RABGAP1L: variants seen among roughly 807,000 people sequenced by gnomAD.
RABGAP1L encodes the protein rab GTPase-activating protein 1-like.
Under a neutral mutation model 137.7 loss-of-function variants are expected in RABGAP1L, and 63 were observed. That is an observed-to-expected ratio of 0.46 (90% CI 0.37 to 0.56). The LOEUF is 0.56. RABGAP1L is among the 20% of genes least tolerant of loss of function. The probability of loss-of-function intolerance (pLI) is 0.00; values close to 1 mark genes in which losing one functional copy is unlikely to be tolerated. For missense variants in RABGAP1L, 1,095 were observed against 1,244.0 expected (o/e 0.88, Z 1.80); for synonymous variants, 431 against 433.7 (o/e 0.99, Z 0.08).
At chr1:174,532,691 T>C (rs910354679) in intron 13 of RABGAP1L, among the ~76,000 whole-genome samples, 1 of 152,126 alleles carries the variant, frequency 6.6e-6, no homozygotes, top group Non-Finnish European at 1.5e-5. Flanking sequence ...TATCCAGTCA[T>C]GAATGGATTA....
chr1:174,984,328 G>T (rs940579101), intron 24 of RABGAP1L, among the ~76,000 whole-genome samples: 1 of 152,126 alleles, frequency 6.6e-6, no homozygotes, highest in Non-Finnish European at 1.5e-5. Context: ...CATATACTAT[G>T]TGCATAGCTA....
intron 13 of RABGAP1L, among the ~76,000 whole-genome samples, chr1:174,620,585 A>G (rs1476848717): frequency 6.6e-6 from 1 of 152,194 alleles, no homozygotes; most frequent in Non-Finnish European, 1.5e-5. Context: ...TTTGAAACCA[A>G]CGAGAACAAA....
At chr1:174,988,615 T>G (rs1671812745) in intron 24 of RABGAP1L, 26 bp from the exon 25 acceptor site, 1 of 1,469,196 alleles carries the variant, frequency 6.8e-7, no homozygotes, top group African/African-American at 1.4e-5. Context: ...TAGTTTGATG[T>G]TGGTTATCTC....
rs1663983818 is a variant in RABGAP1L, at chr1:174,527,402, C to T, written c.1711-109973C>T. On this transcript the variant is annotated intron_variant, in intron 13 of 25. Coordinates refer to ENST00000681986, the MANE Select transcript of RABGAP1L (RefSeq NM_001366446.1). The stretch of plus-strand genomic sequence containing the variant: ...GTTTTGAGTAGGGACTGGGTTTCAC[C>T]ATGTTGGCCAGGCAAGCTGGTCTTG... Among the ~76,000 whole-genome samples the T allele has an allele frequency of 2.0e-5, 3 of 151,906 alleles. No individual in the cohort carries two copies. The South Asian group carries it at 6.2e-4, about 31-fold the overall frequency.
intron 2 of RABGAP1L, 29 bp downstream of exon 2, chr1:174,219,324 A>G: frequency 1.4e-6 from 2 of 1,410,264 alleles, no homozygotes; most frequent in Non-Finnish European, 1.9e-6. Context: ...CATATGGTAT[A>G]ATTTTTAATT....
chr1:174,812,582 T>A (rs1458775684), intron 19 of RABGAP1L, among the ~76,000 whole-genome samples: 1 of 152,246 alleles, frequency 6.6e-6, no homozygotes, highest in East Asian at 1.9e-4. Flanking sequence ...GGTATCTTTT[T>A]ACCTAACCAT....
intron 13 of RABGAP1L, among the ~76,000 whole-genome samples, chr1:174,496,825 A>G (rs560932962): frequency 6.6e-6 from 1 of 152,328 alleles, no homozygotes; most frequent in African/African-American, 2.4e-5. Context: ...TTTGCCTGAA[A>G]GAGACTGCTT....
At chr1:174,442,174 T>C (rs1654233185) in intron 13 of RABGAP1L, among the ~76,000 whole-genome samples, 1 of 152,036 alleles carries the variant, frequency 6.6e-6, no homozygotes, top group African/African-American at 2.4e-5. Flanking sequence ...TTACAAGGAA[T>C]GTGGGACCTA....
intron 13 of RABGAP1L, among the ~76,000 whole-genome samples, chr1:174,484,633 C>A (rs893948703): frequency 6.6e-6 from 1 of 152,174 alleles, no homozygotes; most frequent in Non-Finnish European, 1.5e-5. Context: ...TTCCCAACAA[C>A]ATTTATTGAA....
intron 12 of RABGAP1L, among the ~76,000 whole-genome samples, chr1:174,383,602 A>T (rs550788553): frequency 2.0e-5 from 3 of 151,468 alleles, no homozygotes; most frequent in Non-Finnish European, 4.4e-5. Context: ...GAACTCCCTG[A>T]CCCCTTGCGC....
At chr1:174,215,467 AAATAAT>A (rs1252853662) in intron 1 of RABGAP1L, among the ~76,000 whole-genome samples, 2 of 150,822 alleles carry the variant, frequency 1.3e-5, no homozygotes, top group East Asian at 1.9e-4. Context: ...CAAAAAAAAA[AAATAAT>A]AATAATAAAA....
chr1:174,955,198 C>G (rs1348059106), intron 19 of RABGAP1L, among the ~76,000 whole-genome samples: 3 of 152,192 alleles, frequency 2.0e-5, no homozygotes, highest in African/African-American at 7.2e-5. Context: ...AGTGGCTTTG[C>G]AATTCAGTTA....
intron 18 of RABGAP1L, among the ~76,000 whole-genome samples, chr1:174,783,070 G>A (rs1205063734): frequency 6.6e-6 from 1 of 152,034 alleles, no homozygotes; most frequent in East Asian, 1.9e-4. Flanking sequence ...TTTGCTCACC[G>A]TTCATCACTG....
intron 1 of RABGAP1L, among the ~76,000 whole-genome samples, chr1:174,184,359 A>G (rs1030729437): frequency 2.0e-5 from 3 of 152,178 alleles, no homozygotes; most frequent in African/African-American, 7.2e-5. Context: ...GTAAATATCC[A>G]TGCGCAGGTT....
At chr1:174,209,702 G>C (rs1034149421) in intron 1 of RABGAP1L, among the ~76,000 whole-genome samples, 5 of 152,186 alleles carry the variant, frequency 3.3e-5, no homozygotes, top group Non-Finnish European at 7.3e-5. Flanking sequence ...CACAAACCTG[G>C]CTGGCTTTGC....
chr1:174,914,608 G>T (rs1452924536), intron 19 of RABGAP1L, among the ~76,000 whole-genome samples: 1 of 152,060 alleles, frequency 6.6e-6, no homozygotes, highest in Non-Finnish European at 1.5e-5. Flanking sequence ...ATATATAGTG[G>T]TTTCCCTTTC....
chr1:174,205,619 G>A (rs149483421), intron 1 of RABGAP1L, among the ~76,000 whole-genome samples: 392 of 151,988 alleles, frequency 2.6e-3, no homozygotes, highest in Middle Eastern at 6.8e-3. Flanking sequence ...TTTCTGTGGG[G>A]TCAGTGGTAA....
At chr1:174,517,885 G>T (rs796330645) in intron 13 of RABGAP1L, among the ~76,000 whole-genome samples, 1 of 151,954 alleles carries the variant, frequency 6.6e-6, no homozygotes, top group Non-Finnish European at 1.5e-5. Flanking sequence ...TTAACATTTG[G>T]CAGTTAAGCA....
intron 19 of RABGAP1L, among the ~76,000 whole-genome samples, chr1:174,934,041 A>T (rs1247196376): frequency 2.6e-5 from 4 of 152,228 alleles, no homozygotes; most frequent in Non-Finnish European, 4.4e-5. Flanking sequence ...ACCAGAAATT[A>T]GTATCAAAGA....
Sources: gnomAD v4.1 joint callset for allele counts (sites outside exome capture counted in the v4.1 genomes callset) on GRCh38, gnomAD v4.1.1 for gene constraint, MANE v1.5 for transcripts, NCBI Gene and HGNC (gene_info 2026-07-23, HGNC 2026-07-21) for gene names.